The following ARHGAP39 variants were observed in gnomAD, a reference collection of about 807,000 sequenced individuals.
The protein encoded by ARHGAP39 is rho GTPase-activating protein 39.
In ARHGAP39, 44 loss-of-function variants were observed where a neutral mutation model predicts 106.9. The observed-to-expected ratio is 0.41, with a 90% confidence interval of 0.32 to 0.53. ARHGAP39 has a LOEUF of 0.53. ARHGAP39 is among the 20% of genes least tolerant of loss of function. ARHGAP39 has a pLI of 0.21. For missense variants in ARHGAP39, 1,496 were observed against 1,577.3 expected (o/e 0.95, Z 0.87); for synonymous variants, 768 against 693.2 (o/e 1.11, Z -1.69).
chr8:144,610,082 C>A (rs981969751), intron 1 of ARHGAP39, among the ~76,000 whole-genome samples: 16 of 152,202 alleles, frequency 1.1e-4, no homozygotes, highest in African/African-American at 3.6e-4. Context: ...TTGCCCATTT[C>A]ATATAAAATT....
At chr8:144,608,154 CTCAAAAA>C (rs1190560784) in intron 1 of ARHGAP39, among the ~76,000 whole-genome samples, 2 of 86,372 alleles carry the variant, frequency 2.3e-5, no homozygotes, top group African/African-American at 5.8e-5. Context: ...AAGACTCTGT[CTCAAAAA>C]AAAAAAAAAA....
rs185516529 is a variant in ARHGAP39 at position 144,566,013 on chromosome 8, G to A, written c.513-10370C>T. Among the ~76,000 whole-genome samples, 26 of 151,842 alleles carry A rather than the reference G, an allele frequency of 1.7e-4. No individual in the cohort carries two copies. The East Asian group carries it at 2.7e-3, about 16-fold the overall frequency. The stretch of plus-strand genomic sequence containing the variant: ...GGAAGCAGAGGTGGGAGGATCGCTT[G>A]AGCCCAGGAGGTTGACGCCGCCATC... On this transcript the variant is annotated intron_variant, in intron 3 of 11. Transcript: ENST00000377307.
chr8:144,621,901 G>A (rs1157431945), intron 1 of ARHGAP39, among the ~76,000 whole-genome samples: 3 of 152,214 alleles, frequency 2.0e-5, no homozygotes, highest in African/African-American at 4.8e-5. Context: ...AGATGTGGTC[G>A]GCTCAGTGCG....
intron 2 of ARHGAP39, 136 bp downstream of exon 2, chr8:144,605,399 C>T (rs1820246285): frequency 4.3e-6 from 4 of 922,956 alleles, no homozygotes; most frequent in Non-Finnish European, 5.0e-6. Context: ...ATCGGCCATC[C>T]AGGCCTTGGG....
chr8:144,639,307 C>G (rs1821250570), intron 1 of ARHGAP39, among the ~76,000 whole-genome samples: 1 of 128,542 alleles, frequency 7.8e-6, no homozygotes. Flanking sequence ...GCCTGGGTGA[C>G]AGAGCGAGAT....
intron 1 of ARHGAP39, among the ~76,000 whole-genome samples, chr8:144,622,154 C>A (rs1820822965): frequency 6.6e-6 from 1 of 152,194 alleles, no homozygotes; most frequent in Admixed American, 6.5e-5. Flanking sequence ...GGGACACAGG[C>A]AGACCGCCTC....
chr8:144,563,762 G>C (rs1818291332), intron 3 of ARHGAP39, among the ~76,000 whole-genome samples: 1 of 151,900 alleles, frequency 6.6e-6, no homozygotes, highest in Non-Finnish European at 1.5e-5. Context: ...CTGCATTCTA[G>C]CATGGGTAAC....
chr8:144,626,938 C>T (rs916693824), intron 1 of ARHGAP39, among the ~76,000 whole-genome samples: 2 of 152,266 alleles, frequency 1.3e-5, no homozygotes, highest in Non-Finnish European at 2.9e-5. Flanking sequence ...ATCCCTGAAA[C>T]TCCTGCTGGG....
intron 3 of ARHGAP39, among the ~76,000 whole-genome samples, chr8:144,580,271 C>T (rs1425202056): frequency 6.6e-6 from 1 of 152,160 alleles, no homozygotes; most frequent in African/African-American, 2.4e-5. Context: ...TCTACACCCT[C>T]CACCTGGGTC....
At chr8:144,637,707 C>G (rs903263281) in intron 1 of ARHGAP39, among the ~76,000 whole-genome samples, 2 of 152,040 alleles carry the variant, frequency 1.3e-5, no homozygotes, top group Non-Finnish European at 1.5e-5. Flanking sequence ...ATCTCTCTCT[C>G]TCTCTTTTTT....
intron 3 of ARHGAP39, 129 bp from the exon 4 acceptor site, chr8:144,555,772 GGCTGTATTCTTCAT>G: frequency 1.3e-6 from 1 of 784,562 alleles, no homozygotes; most frequent in African/African-American, 1.7e-5. Context: ...CCTGCCCCCA[GGCTGTATTCTTCAT>G]CTTCTGCCCT....
intron 1 of ARHGAP39, among the ~76,000 whole-genome samples, chr8:144,685,102 C>G (rs990161437): frequency 6.6e-6 from 1 of 151,916 alleles, no homozygotes; most frequent in South Asian, 2.1e-4. Context: ...CCCCTCACAC[C>G]CCCCTCGGGC....
At position 144,548,468 on chromosome 8, in the gene ARHGAP39, G is replaced by A. The variant is rs748165774; in HGVS notation, c.618C>T (p.Asn206=). ...LHYRTSSLRW[N]SGAKERMLIK... Reference sequence around the variant, plus strand: ...TGAGCATGCGCTCTTTGGCGCCCGAGTTCCACCGCAGCGAGGAGGTCCTGC... The same window carrying A: ...TGAGCATGCGCTCTTTGGCGCCCGAATTCCACCGCAGCGAGGAGGTCCTGC... The change falls in exon 5 of 12, where the codon AAC becomes AAT. Residue 206 remains asparagine, a synonymous_variant. Transcript: ENST00000377307. The surrounding 1 kb of genome is among the most constrained non-coding windows in gnomAD (Gnocchi z 7.4). 1 of 1,610,230 alleles carries A rather than the reference G, an allele frequency of 6.2e-7. No individual in the cohort carries two copies. The highest frequency in any genetic ancestry group is 8.5e-7 in the Non-Finnish European group (1 of 1,179,554).
intron 1 of ARHGAP39, among the ~76,000 whole-genome samples, chr8:144,667,787 C>T (rs144925083): frequency 1.8e-3 from 275 of 152,308 alleles, no homozygotes; most frequent in Non-Finnish European, 3.2e-3. Context: ...CAAGAGCACC[C>T]ACTGCATGCA....
In ARHGAP39 at chr8:144,547,458, G is replaced by T; in HGVS notation, c.1628C>A (p.Ala543Asp). 1 of 1,561,880 alleles carries T rather than the reference G, an allele frequency of 6.4e-7. No individual in the cohort carries two copies. Among genetic ancestry groups the T allele is most frequent in the Non-Finnish European group, 8.6e-7 (1 of 1,160,238 alleles). ...CTCGGCCGCGCCCCGCGCCCCTTCGGCCTCACCTTCCGCTCGCTTCACGGG... is the reference window on the plus strand; with the variant it reads ...CTCGGCCGCGCCCCGCGCCCCTTCGTCCTCACCTTCCGCTCGCTTCACGGG... Reference protein sequence around the residue: ...LAPVKRAEGEAEGARGAAEPF... With the variant: ...LAPVKRAEGEDEGARGAAEPF... Residue 543 changes from alanine to aspartate, a missense_variant, in exon 5 of 12, where the codon GCC (alanine) becomes GAC (aspartate). Ala to Asp is a moderately radical substitution (Grantham distance 126). Transcript: ENST00000377307. The surrounding 1 kb of genome is among the most constrained non-coding windows in gnomAD (Gnocchi z 5.2).
At chr8:144,635,694 C>A (rs1821156059) in intron 1 of ARHGAP39, among the ~76,000 whole-genome samples, 2 of 152,200 alleles carry the variant, frequency 1.3e-5, no homozygotes, top group Admixed American at 1.3e-4. Flanking sequence ...GGATCTGAGT[C>A]TCCCGCTAGG....
At chr8:144,661,193 C>G (rs933182727) in intron 1 of ARHGAP39, among the ~76,000 whole-genome samples, 1 of 152,140 alleles carries the variant, frequency 6.6e-6, no homozygotes, top group African/African-American at 2.4e-5. Context: ...CCCCTTCACA[C>G]ACAGGCAGTG....
rs777937992 is a variant in ARHGAP39, at chr8:144,603,105, CTGTG to C, written c.80+2426_80+2429del. 3.1e-5 allele frequency among the ~76,000 whole-genome samples: 3 copies of C among 97,006 alleles called. 1 individual carries two copies. Among genetic ancestry groups the C allele is most frequent in the South Asian group, 7.0e-4 (2 of 2,848 alleles). 63.6% of individuals were successfully genotyped at this position (97,006 alleles called of 152,430 possible). A position where few individuals can be genotyped will look rare whatever the true frequency, so the allele number is the denominator to read the frequency against. On this transcript the variant is annotated intron_variant, in intron 2 of 11. Transcript: ENST00000377307. The stretch of plus-strand genomic sequence containing the variant: ...GAGGTGTGTGCGCGAGCTCATGTAT[CTGTG>C]TGCGTGGAGGCGTGTGTGTGCTGGT...
chr8:144,594,122 G>C (rs1219562307), intron 2 of ARHGAP39, among the ~76,000 whole-genome samples: 3 of 150,236 alleles, frequency 2.0e-5, no homozygotes, highest in African/African-American at 7.4e-5. Context: ...AAATACCCCA[G>C]TTTAAAGATG....
Sources: allele counts gnomAD v4.1 joint callset (sites outside exome capture counted in the v4.1 genomes callset), GRCh38; gene constraint gnomAD v4.1.1; non-coding constraint Gnocchi (gnomAD v3.1); transcripts MANE v1.5; gene names NCBI Gene and HGNC (gene_info 2026-07-23, HGNC 2026-07-21).